ASTN1: variants seen among roughly 807,000 people sequenced by gnomAD.
The protein encoded by ASTN1 is astrotactin-1.
ASTN1 carries 41 observed loss-of-function variants against 140.7 expected under a neutral mutation model. That is an observed-to-expected ratio of 0.29 (90% CI 0.23 to 0.38). The LOEUF (loss-of-function observed/expected upper bound fraction) is 0.38, where lower values mean the gene tolerates loss of function less well. Ranked by LOEUF, ASTN1 falls within the 10% of genes least tolerant of loss-of-function variation. ASTN1 has a pLI of 1.00. For missense variants in ASTN1, 1,479 were observed against 1,678.8 expected (o/e 0.88, Z 2.08); for synonymous variants, 640 against 652.2 (o/e 0.98, Z 0.29).
Position 176,958,376 on chromosome 1 carries a change from T to C in ASTN1, c.1705A>G (p.Met569Val), listed in dbSNP as rs756372711. The C allele has an allele frequency of 6.2e-7, 1 of 1,614,116 alleles. No individual in the cohort carries two copies. Among genetic ancestry groups the C allele is most frequent in the East Asian group, 2.2e-5 (1 of 44,870 alleles). ...INPSAKCKTD[M>V]TVMEDAVEVR... Reference sequence around the variant, plus strand: ...TCCACAGCATCCTCCATCACAGTCATGTCCGTCTTGCACTTTGCTGATGGA... The same window carrying C: ...TCCACAGCATCCTCCATCACAGTCACGTCCGTCTTGCACTTTGCTGATGGA... Residue 569 changes from methionine (M) to valine (V), a missense_variant, in exon 10 of 23, where the codon ATG becomes GTG. Physicochemically the swap from Met to Val is conservative, Grantham distance 21 (BLOSUM62 1). Around this residue, in one of 3 missense-constraint regions of ASTN1, gnomAD observed 729 missense variants for 860.4 expected, o/e 0.85. Transcript: ENST00000361833.
chr1:176,946,538 G>C (rs1671966320), intron 12 of ASTN1, among the ~76,000 whole-genome samples: 1 of 152,172 alleles, frequency 6.6e-6, no homozygotes, highest in Non-Finnish European at 1.5e-5. Flanking sequence ...GGGTAATAAG[G>C]CAGCAAAAGG....
downstream of ASTN1, chr1:176,857,597 T>C: frequency 1.6e-6 from 1 of 607,744 alleles, no homozygotes. Flanking sequence ...TGCCGTCTTC[T>C]TCCTTTCCTC....
chr1:176,894,517 G>A (rs747500407), intron 17 of ASTN1, 45 bp downstream of exon 17: 5 of 1,598,270 alleles, frequency 3.1e-6, no homozygotes, highest in Middle Eastern at 1.9e-4. Flanking sequence ...AAAGCCTTCT[G>A]TTGTGGTTGA....
chr1:177,055,701 G>T (rs1466320770), intron 2 of ASTN1, among the ~76,000 whole-genome samples: 2 of 152,130 alleles, frequency 1.3e-5, no homozygotes, highest in African/African-American at 4.8e-5. Flanking sequence ...GTCCTTTCTG[G>T]TAACATACAA....
chr1:176,999,906 A>G lies in ASTN1; in HGVS notation c.1523+14885T>C, dbSNP rs934808382. On this transcript the variant is annotated intron_variant, in intron 8 of 22. Transcript: ENST00000361833. ...TAAGATTCCTGAGGCCTCCCCAGCCATGTGGAACTGTGAGTCAATTAAACC... is the reference window on the plus strand; with the variant it reads ...TAAGATTCCTGAGGCCTCCCCAGCCGTGTGGAACTGTGAGTCAATTAAACC... Among the ~76,000 whole-genome samples the G allele has an allele frequency of 2.6e-5, 4 of 152,304 alleles. No individual in the cohort carries two copies. In the South Asian group the frequency reaches 8.3e-4, roughly 32 times the overall value.
chr1:176,927,570 A>G (rs1049376314), intron 16 of ASTN1, among the ~76,000 whole-genome samples: 4 of 152,216 alleles, frequency 2.6e-5, no homozygotes, highest in Non-Finnish European at 5.9e-5. Flanking sequence ...TCTCTGGGAT[A>G]TACAGATCTA....
intron 12 of ASTN1, 60 bp from the exon 13 acceptor site, chr1:176,946,180 T>A: frequency 7.1e-7 from 1 of 1,414,894 alleles, no homozygotes; most frequent in Non-Finnish European, 9.5e-7. Context: ...TGCAGGCAAG[T>A]CAACCCCGTA....
chr1:177,027,713 A>AGAGT (rs1676193923), intron 5 of ASTN1, among the ~76,000 whole-genome samples: 1 of 118,570 alleles, frequency 8.4e-6, no homozygotes. Context: ...AACCCAGTAC[A>AGAGT]GTGTGTGTGT....
At position 176,918,479 on chromosome 1, in the gene ASTN1, T is replaced by C. The variant is rs74932541; in HGVS notation, c.2671+15673A>G. 3.5e-3 allele frequency among the ~76,000 whole-genome samples: 526 copies of C among 152,296 alleles called. 6 individuals carry two copies. Among genetic ancestry groups the C allele is most frequent in the African/African-American group, 0.012 (506 of 41,556 alleles). On this transcript the variant is annotated intron_variant, in intron 16 of 22. Transcript: ENST00000361833. ...CCCCCGGCAACATGTTCCATCTCAT[T>C]GGCTCTGAAATTATTATAGTAACTG...
At chr1:176,942,841 T>TGACC (rs1671789885) in intron 14 of ASTN1, among the ~76,000 whole-genome samples, 1 of 71,106 alleles carries the variant, frequency 1.4e-5, no homozygotes, top group Non-Finnish European at 3.0e-5. Context: ...TATATGTATA[T>TGACC]ATATATATAT....
chr1:177,015,011 A>T (rs1200111315), intron 7 of ASTN1, 136 bp from the exon 8 acceptor site: 5 of 718,962 alleles, frequency 7.0e-6, no homozygotes, highest in Non-Finnish European at 1.2e-5. Flanking sequence ...AGTAAGTTCC[A>T]TTATGTCATA....
chr1:177,150,487 A>G (rs1382992283), intron 1 of ASTN1, among the ~76,000 whole-genome samples: 1 of 152,194 alleles, frequency 6.6e-6, no homozygotes, highest in East Asian at 1.9e-4. Context: ...ATAAAAAGGT[A>G]GTTCAGGTAA....
At chr1:177,149,051 A>G (rs1215768843) in intron 1 of ASTN1, among the ~76,000 whole-genome samples, 1 of 142,978 alleles carries the variant, frequency 7.0e-6, no homozygotes, top group African/African-American at 2.6e-5. Flanking sequence ...AAATATATAT[A>G]TAGCAAATAT....
At chr1:176,859,565 A>T (rs1409072463), downstream of ASTN1, among the ~76,000 whole-genome samples, 1 of 152,176 alleles carries the variant, frequency 6.6e-6, no homozygotes, top group East Asian at 1.9e-4. Flanking sequence ...CAGGTGGATC[A>T]CCTGAGGTCA....
At chr1:177,148,498 G>A (rs1430321065) in intron 1 of ASTN1, among the ~76,000 whole-genome samples, 2 of 151,958 alleles carry the variant, frequency 1.3e-5, no homozygotes, top group Non-Finnish European at 2.9e-5. Context: ...ATCAGTCATA[G>A]AGTCTTTTTA....
At chr1:177,056,307 TC>T (rs1677800353) in intron 2 of ASTN1, among the ~76,000 whole-genome samples, 1 of 152,144 alleles carries the variant, frequency 6.6e-6, no homozygotes, top group Admixed American at 6.5e-5. Context: ...CAAATCTTGT[TC>T]CCAACATTGT....
At chr1:176,957,322 C>T (rs1428743180) in intron 11 of ASTN1, among the ~76,000 whole-genome samples, 1 of 151,980 alleles carries the variant, frequency 6.6e-6, no homozygotes, top group South Asian at 2.1e-4. Flanking sequence ...TTTTCACTAC[C>T]ATTCCTGGCA....
Position 176,908,823 on chromosome 1 carries a change from TA to T in ASTN1, c.2672-13994del, listed in dbSNP as rs200848292. Among the ~76,000 whole-genome samples, 110 of 151,222 alleles carry T rather than the reference TA, an allele frequency of 7.3e-4. No homozygotes were observed. In the Middle Eastern group the frequency reaches 0.014, roughly 19 times the overall value. ...CAGAAGGTATAAACGTGTGATTAAT[TA>T]AAAAAAAATAGCAATGCTCAGAAAG... On this transcript the variant is annotated intron_variant, in intron 16 of 22. Transcript: ENST00000361833.
intron 8 of ASTN1, chr1:176,981,493 T>C (rs1673619115): frequency 6.6e-6 from 1 of 152,184 alleles, no homozygotes; most frequent in East Asian, 1.9e-4. Flanking sequence ...CAAAATCCAA[T>C]ATGACTGGTG....
Sources: gnomAD v4.1 joint callset for allele counts (sites outside exome capture counted in the v4.1 genomes callset) on GRCh38, gnomAD v4.1.1 for gene constraint, gnomAD v4.1.1 regional missense constraint, MANE v1.5 for transcripts, NCBI Gene and HGNC (gene_info 2026-07-23, HGNC 2026-07-21) for gene names.